MUC6: variants seen among roughly 807,000 people sequenced by gnomAD.
The protein encoded by MUC6 is mucin-6.
In MUC6, 188 loss-of-function variants were observed where a neutral mutation model predicts 201.5. The ratio of observed to expected loss-of-function variants is 0.93; its 90% CI spans 0.83 to 1.05. The LOEUF (loss-of-function observed/expected upper bound fraction) is 1.05, where lower values mean the gene tolerates loss of function less well. MUC6 is among the 50% of genes least tolerant of loss of function. The pLI is 0.00. For missense variants in MUC6, 2,706 were observed against 3,256.9 expected, an observed-to-expected ratio of 0.83 and a Z score of 4.12; for synonymous variants, 1,228 against 1,389.4, an observed-to-expected ratio of 0.88 and a Z score of 2.58.
rs1856942129 is a variant in MUC6, at chr11:1,025,792, C to T, written c.2799+13G>A. 4 of 1,605,260 alleles carry T rather than the reference C, an allele frequency of 2.5e-6. No homozygotes were observed. Among genetic ancestry groups the T allele is most frequent in the Non-Finnish European group, 2.6e-6 (3 of 1,176,282 alleles). On this transcript the variant is annotated intron_variant, in intron 22 of 32. Transcript: ENST00000421673. ...GCCCGTCCTGCCCTGCCAGAGTCTG[C>T]CCGGCTGCTCACCCCCAGGAAGATC...
chr11:1,018,857 T>C, intron 30 of MUC6, 87 bp from the exon 31 acceptor site: 2 of 1,473,244 alleles, frequency 1.4e-6, no homozygotes, highest in Middle Eastern at 1.8e-4. Context: ...CTATGTGACC[T>C]TTTTCTTGCC....
Position 1,025,863 on chromosome 11 carries a change from T to G in MUC6, c.2741A>C (p.Asn914Thr). 1 of 1,612,936 alleles carries G rather than the reference T, an allele frequency of 6.2e-7. No individual in the cohort carries two copies. Among genetic ancestry groups the G allele is most frequent in the Non-Finnish European group, 8.5e-7 (1 of 1,179,732 alleles). ...SQPTFKILTE[N>T]VICGNSGVTC... is the part of the protein sequence containing the mutation. ...GACCCCGGAGTTCCCACAGATGACG[T>G]TCTCTGTCAGGATCTTGAAGGTGGG... The change falls in exon 22 of 33, where the codon AAC becomes ACC. Residue 914 changes from asparagine (N) to threonine (T), a missense_variant. By Grantham distance (65) the Asn-to-Thr change is moderately conservative (BLOSUM62 0). Coordinates refer to ENST00000421673, the MANE Select transcript of MUC6 (RefSeq NM_005961.3).
intron 30 of MUC6, 77 bp downstream of exon 30, chr11:1,019,198 C>CTGAATCA: frequency 6.8e-7 from 1 of 1,468,566 alleles, no homozygotes; most frequent in South Asian, 1.2e-5. Context: ...TTCTTTATGG[C>CTGAATCA]TGAATCACTG....
At position 1,018,377 on chromosome 11, in the gene MUC6, G is replaced by A; in HGVS notation, c.4424C>T (p.Ser1475Phe). ...PTHAQMATSA[S>F]NHSAPTGTIP... is the part of the protein sequence containing the mutation. ...GGTACCTGTTGGCGCTGAGTGGTTG[G>A]AGGCAGATGTGGCCATCTGTGCGTG... The change falls in exon 31 of 33, where the codon TCC becomes TTC. Residue 1475 changes from serine to phenylalanine, a missense_variant. Around this residue, in one of 10 missense-constraint regions of MUC6, gnomAD observed 128 missense variants for 206.5 expected, o/e 0.62. Coordinates refer to ENST00000421673, the MANE Select transcript of MUC6 (RefSeq NM_005961.3). 1.9e-6 allele frequency: 3 copies of A among 1,595,518 alleles called. No homozygotes were observed. Among genetic ancestry groups the A allele is most frequent in the Non-Finnish European group, 2.6e-6 (3 of 1,172,504 alleles).
In MUC6 at chr11:1,029,440, T is replaced by C. The variant is rs1487763325; in HGVS notation, c.1136+55A>G. 3 of 1,605,200 alleles carry C rather than the reference T, an allele frequency of 1.9e-6. No homozygotes were observed. The East Asian group carries it at 6.7e-5, about 36-fold the overall frequency. ...CCAGACAGCACACCCCTGCCTGCCC[T>C]AGGCCAGTGGAACCCCTGCCGGCCG... is the stretch of plus-strand genomic sequence containing the variant. On this transcript the variant is annotated intron_variant, in intron 9 of 32. Coordinates refer to ENST00000421673, the MANE Select transcript of MUC6 (RefSeq NM_005961.3).
chr11:1,015,829 A>C lies in MUC6; in HGVS notation c.6972T>G (p.Thr2324=), dbSNP rs1279688444. 1.3e-6 allele frequency: 2 copies of C among 1,584,722 alleles called. No homozygotes were observed. Among genetic ancestry groups the C allele is most frequent in the Non-Finnish European group, 1.7e-6 (2 of 1,163,318 alleles). ...CAGAAGCAGGGGTGCTTCCATGGGC[A>C]GTGAGGGAGCTGGTCAGGAACCGTG... ...PTTRFLTSSL[T]AHGSTPASAP... is the part of the protein sequence containing the mutation. The change falls in exon 31 of 33, where the codon ACT becomes ACG. Residue 2324 remains threonine, a synonymous_variant. Coordinates refer to ENST00000421673, the MANE Select transcript of MUC6 (RefSeq NM_005961.3).
At position 1,030,640 on chromosome 11, in the gene MUC6, C is replaced by T. The variant is rs777744388; in HGVS notation, c.825G>A (p.Ser275=). 7 of 1,543,328 alleles carry T rather than the reference C, an allele frequency of 4.5e-6. No individual in the cohort carries two copies. Among genetic ancestry groups the T allele is most frequent in the South Asian group, 2.4e-5 (2 of 83,512 alleles). The change falls in exon 7 of 33, where the codon TCG becomes TCA. Residue 275 remains serine (S), a synonymous_variant. Transcript: ENST00000421673. ...CCATGCTGCACTGGCGGGAGTACTC[C>T]GACAGGGTGGCACAACTGCTGTTCT... ...GPQNSSCATL[S]EYSRQCSMVG...
At position 1,029,321 on chromosome 11, in the gene MUC6, G is replaced by A. The variant is rs762323701; in HGVS notation, c.1182C>T (p.Pro394=). 10 of 1,605,022 alleles carry A rather than the reference G, an allele frequency of 6.2e-6. No homozygotes were observed. Among genetic ancestry groups the A allele is most frequent in the Admixed American group, 3.4e-5 (2 of 58,868 alleles). Residue 394 remains proline (P), a synonymous_variant, in exon 10 of 33, where the codon CCC becomes CCT. Transcript: ENST00000421673. The stretch of plus-strand genomic sequence containing the variant: ...AGCCACCTTCCAGGGAGCAGTGTCC[G>A]GGGCACGGCCGCTCCGTGCACACCC... The part of the protein sequence containing the change: ...GRWVCTERPC[P]GHCSLEGGSF...
intron 26 of MUC6, 107 bp from the exon 27 acceptor site, chr11:1,021,384 T>A: frequency 1.5e-6 from 1 of 645,542 alleles, no homozygotes; most frequent in Non-Finnish European, 2.4e-6. Context: ...TTTTTTTTTT[T>A]TTTTGAGACA....
Position 1,013,148 on chromosome 11 carries a change from G to T in MUC6, c.*308C>A. The T allele has an allele frequency of 2.3e-6, 1 of 428,544 alleles. No individual in the cohort carries two copies. The highest frequency in any genetic ancestry group is 4.2e-6 in the Non-Finnish European group (1 of 240,462). 26.5% of individuals were successfully genotyped at this position (428,544 alleles called of 1,614,324 possible). A position where few individuals can be genotyped will look rare whatever the true frequency, so the allele number is the denominator to read the frequency against. On this transcript the variant is annotated 3_prime_UTR_variant, in exon 33 of 33. Coordinates refer to ENST00000421673, the MANE Select transcript of MUC6 (RefSeq NM_005961.3). ...CCAGCAGGGCTGGGGCCAAGTTCAG[G>T]GGCTGGGAGGTGTTGGACGGTGGGC...
Position 1,027,499 on chromosome 11 carries a change from T to G in MUC6, c.2000A>C (p.Asn667Thr), listed in dbSNP as rs1173682814. Residue 667 changes from asparagine (N) to threonine (T), a missense_variant, in exon 17 of 33, where the codon AAC becomes ACC. Coordinates refer to ENST00000421673, the MANE Select transcript of MUC6 (RefSeq NM_005961.3). The part of the protein sequence containing the change: ...VDNCTIPCTG[N>T]TTFSYNSQAC... ...TTGGCTGTTGTAGCTGAAGGTGGTG[T>G]TACCCGTGCAGGGGATGGCTGTGGG... The G allele has an allele frequency of 5.0e-6, 8 of 1,612,308 alleles. No homozygotes were observed. The highest frequency in any genetic ancestry group is 4.5e-5 in the East Asian group (2 of 44,884).
Position 1,027,278 on chromosome 11 carries a change from C to A in MUC6, c.2221G>T (p.Gly741Cys). 1 of 1,612,454 alleles carries A rather than the reference C, an allele frequency of 6.2e-7. No individual in the cohort carries two copies. The highest frequency in any genetic ancestry group is 8.5e-7 in the Non-Finnish European group (1 of 1,179,824). The change falls in exon 17 of 33, where the codon GGC (glycine) becomes TGC (cysteine). Residue 741 changes from glycine (G) to cysteine (C), a missense_variant. Gly to Cys is a radical substitution (Grantham distance 159). This residue lies in a region of MUC6 where 1,850 missense variants were observed against 1,958.3 expected (regional missense o/e 0.94). Coordinates refer to ENST00000421673, the MANE Select transcript of MUC6 (RefSeq NM_005961.3). ...TGCCCGGTCCCTCACCAGGTGATGC[C>A]GTTGATGACAGTGGACTGCTCGGCC... ...ILAEQSTVIN[G>C]ITCHCINGRL...
At chr11:1,019,886 G>A (rs541155041) in intron 29 of MUC6, 19 of 738,582 alleles carry the variant, frequency 2.6e-5, no homozygotes, top group Non-Finnish European at 4.4e-5. Flanking sequence ...AGCAAGGAAT[G>A]CCCCATGCCA....
At chr11:1,025,605 C>T (rs914849200) in intron 22 of MUC6, among the ~76,000 whole-genome samples, 200 bp downstream of exon 22, 6 of 152,302 alleles carry the variant, frequency 3.9e-5, no homozygotes, top group African/African-American at 1.2e-4. Context: ...TTCTGCAGTC[C>T]CTGAAACCTT....
chr11:1,019,049 C>T (rs562916477), intron 30 of MUC6, among the ~76,000 whole-genome samples: 1 of 152,356 alleles, frequency 6.6e-6, no homozygotes, highest in Non-Finnish European at 1.5e-5. Context: ...TTCCCTGTGG[C>T]CGTGGTGGTG....
chr11:1,031,107 C>T, intron 5 of MUC6, 51 bp from the exon 6 acceptor site: 6 of 1,444,890 alleles, frequency 4.2e-6, no homozygotes, highest in Non-Finnish European at 4.6e-6. Flanking sequence ...CTCAGAGGCC[C>T]CCCTGCCCTG....
In MUC6 at chr11:1,028,053, C is replaced by T. The variant is rs372497281; in HGVS notation, c.1760G>A (p.Cys587Tyr). 2.4e-5 allele frequency: 38 copies of T among 1,574,040 alleles called. No homozygotes were observed. Among genetic ancestry groups the T allele is most frequent in the East Asian group, 1.7e-4 (7 of 42,388 alleles). The change falls in exon 15 of 33, where the codon TGT becomes TAT. Residue 587 changes from cysteine to tyrosine, a missense_variant. Physicochemically the swap from Cys to Tyr is radical, Grantham distance 194 (BLOSUM62 -2). Around this residue, in one of 10 missense-constraint regions of MUC6, gnomAD observed 1,850 missense variants for 1,958.3 expected, o/e 0.94. Transcript: ENST00000421673. Reference protein sequence around the residue: ...PCSMSQLNKVCAETHCSMLLR... With the variant: ...PCSMSQLNKVYAETHCSMLLR... ...CAGCATGGAGCAGTGGGTCTCTGCA[C>T]ACACCTCTGGGGATGACAGGCCCGG...
Position 1,025,810 on chromosome 11 carries a change from G to C in MUC6, c.2794C>G (p.Leu932Val). ...GAGTCTGCCCGGCTGCTCACCCCCA[G>C]GAAGATCTTGATGGCCCGTGAGCAT... is the stretch of plus-strand genomic sequence containing the variant. ...VTCSRAIKIF[L>V]GGLSVVLADR... The change falls in exon 22 of 33, where the codon CTG (leucine) becomes GTG (valine). Residue 932 changes from leucine to valine, a missense_variant. Leu to Val is a conservative substitution (Grantham distance 32). This residue lies in a region of MUC6 where 1,850 missense variants were observed against 1,958.3 expected (regional missense o/e 0.94). Transcript: ENST00000421673. 3.7e-6 allele frequency: 6 copies of C among 1,611,716 alleles called. No individual in the cohort carries two copies. Among genetic ancestry groups the C allele is most frequent in the Non-Finnish European group, 5.1e-6 (6 of 1,179,418 alleles).
rs760228054 is a variant in MUC6, at chr11:1,015,862, C to T, written c.6939G>A (p.Ser2313=). Reference sequence around the variant, plus strand: ...AGCTGGTCAGGAACCGTGTGGTAGGCGACAAGGTGGGACCAGGGTGCCTGG... The same window carrying T: ...AGCTGGTCAGGAACCGTGTGGTAGGTGACAAGGTGGGACCAGGGTGCCTGG... ...LTTRHPGPTL[S]PTTRFLTSSL... Residue 2313 remains serine (S), a synonymous_variant, in exon 31 of 33, where the codon TCG becomes TCA. Coordinates refer to ENST00000421673, the MANE Select transcript of MUC6 (RefSeq NM_005961.3). The T allele has an allele frequency of 9.8e-5, 157 of 1,606,842 alleles. No individual in the cohort carries two copies. The highest frequency in any genetic ancestry group is 3.5e-4 in the Admixed American group (21 of 59,578).
Sources: allele counts gnomAD v4.1 joint callset (sites outside exome capture counted in the v4.1 genomes callset), GRCh38; gene constraint gnomAD v4.1.1; regional missense constraint gnomAD v4.1.1; transcripts MANE v1.5; gene names NCBI Gene and HGNC (gene_info 2026-07-23, HGNC 2026-07-21).